TPRG1: variants seen among roughly 807,000 people sequenced by gnomAD.
TPRG1 encodes tumor protein p63 regulated 1, also known as tumor protein p63-regulated gene 1 protein.
In TPRG1, 29 loss-of-function variants were observed where a neutral mutation model predicts 29.3. The observed-to-expected ratio is 0.99, with a 90% confidence interval of 0.74 to 1.35. The LOEUF (loss-of-function observed/expected upper bound fraction) is 1.35. TPRG1 is among the 40% of genes most tolerant of loss of function. The pLI is 0.00. For missense variants in TPRG1, 327 were observed against 335.0 expected (o/e 0.98, Z 0.19); for synonymous variants, 130 against 116.8 (o/e 1.11, Z -0.73).
At chr3:189,108,074 A>ACT (rs1192215243) in intron 1 of TPRG1, among the ~76,000 whole-genome samples, 1 of 152,160 alleles carries the variant, frequency 6.6e-6, no homozygotes, top group African/African-American at 2.4e-5. Flanking sequence ...CTTCACTTTA[A>ACT]CTATATGCCC....
At chr3:189,006,198 G>A (rs1004838278) in intron 3 of TPRG1, among the ~76,000 whole-genome samples, 1 of 152,048 alleles carries the variant, frequency 6.6e-6, no homozygotes, top group Admixed American at 6.6e-5. Flanking sequence ...TGCAGTACAG[G>A]GGCTGGGTTC....
At chr3:189,232,014 TTG>T (rs1738750313) in intron 3 of TPRG1, among the ~76,000 whole-genome samples, 1 of 151,454 alleles carries the variant, frequency 6.6e-6, no homozygotes, top group African/African-American at 2.4e-5. Flanking sequence ...AACTTAATGT[TTG>T]TGATTTTTAT....
intron 4 of TPRG1, among the ~76,000 whole-genome samples, chr3:189,248,570 A>C (rs1274942546): frequency 1.3e-5 from 2 of 150,854 alleles, no homozygotes. Context: ...TTTTTGTTAG[A>C]TATATTAAGC....
At chr3:189,238,311 C>T (rs1414699931) in intron 3 of TPRG1, among the ~76,000 whole-genome samples, 2 of 152,114 alleles carry the variant, frequency 1.3e-5, no homozygotes, top group Non-Finnish European at 2.9e-5. Flanking sequence ...TAGGCTAGTT[C>T]GTAGTGAGTA....
chr3:189,064,716 T>C (rs1273070271), intron 4 of TPRG1, among the ~76,000 whole-genome samples: 1 of 152,148 alleles, frequency 6.6e-6, no homozygotes, highest in Non-Finnish European at 1.5e-5. Context: ...CTGCAGCCAT[T>C]ACATTGCTAA....
At chr3:189,044,512 G>A (rs888045958) in intron 4 of TPRG1, among the ~76,000 whole-genome samples, 5 of 150,674 alleles carry the variant, frequency 3.3e-5, no homozygotes, top group Admixed American at 2.6e-4. Context: ...CTGAGATCAC[G>A]CCATTGCACT....
chr3:189,064,791 C>G (rs1250740441), intron 4 of TPRG1, among the ~76,000 whole-genome samples: 2 of 152,058 alleles, frequency 1.3e-5, no homozygotes, highest in East Asian at 1.9e-4. Context: ...ACACAAATTC[C>G]TAAAAAATTA....
intron 2 of TPRG1, among the ~76,000 whole-genome samples, chr3:189,212,606 A>G (rs1735447468): frequency 6.6e-6 from 1 of 152,068 alleles, no homozygotes; most frequent in Non-Finnish European, 1.5e-5. Flanking sequence ...ACTAACCACA[A>G]TGAGATATGA....
chr3:189,156,412 A>T (rs1015179065), intron 5 of TPRG1, among the ~76,000 whole-genome samples: 2 of 151,670 alleles, frequency 1.3e-5, no homozygotes, highest in African/African-American at 4.8e-5. Context: ...GATTTGTTAC[A>T]GCAGCGAAAG....
chr3:189,185,294 G>A (rs1730767613), intron 1 of TPRG1, among the ~76,000 whole-genome samples: 1 of 152,008 alleles, frequency 6.6e-6, no homozygotes, highest in South Asian at 2.1e-4. Context: ...CACAATCACG[G>A]CTCACTGCAG....
At chr3:189,013,925 T>C (rs763267884) in intron 3 of TPRG1, among the ~76,000 whole-genome samples, 3 of 152,178 alleles carry the variant, frequency 2.0e-5, no homozygotes, top group African/African-American at 7.2e-5. Context: ...CTCTTGAAGA[T>C]AGCATTGCAG....
At chr3:189,012,843 C>T (rs927573995) in intron 3 of TPRG1, among the ~76,000 whole-genome samples, 1 of 151,824 alleles carries the variant, frequency 6.6e-6, no homozygotes, top group Non-Finnish European at 1.5e-5. Flanking sequence ...TGGTAATATC[C>T]CCCTTATCAT....
intron 2 of TPRG1, among the ~76,000 whole-genome samples, chr3:189,208,415 T>C (rs1342107604): frequency 6.6e-6 from 1 of 152,160 alleles, no homozygotes; most frequent in Non-Finnish European, 1.5e-5. Context: ...ACGTGGGAGA[T>C]CTTTTTGGAA....
intron 4 of TPRG1, among the ~76,000 whole-genome samples, chr3:189,253,922 T>G (rs535281853): frequency 6.6e-6 from 1 of 152,236 alleles, no homozygotes; most frequent in Non-Finnish European, 1.5e-5. Flanking sequence ...TCTGTTTACA[T>G]CCTTCACCCA....
intron 4 of TPRG1, among the ~76,000 whole-genome samples, chr3:189,308,286 G>A (rs1317586702): frequency 2.0e-5 from 3 of 152,166 alleles, no homozygotes; most frequent in Non-Finnish European, 4.4e-5. Flanking sequence ...CGGACATCCA[G>A]CTCACTGCAC....
At chr3:189,093,120 A>G (rs1413107898) in intron 4 of TPRG1, among the ~76,000 whole-genome samples, 1 of 152,104 alleles carries the variant, frequency 6.6e-6, no homozygotes, top group African/African-American at 2.4e-5. Flanking sequence ...TATAGAGGAC[A>G]GTGAATGGAG....
chr3:189,261,988 A>C (rs946428875), intron 4 of TPRG1, among the ~76,000 whole-genome samples: 1 of 152,144 alleles, frequency 6.6e-6, no homozygotes, highest in African/African-American at 2.4e-5. Context: ...AGGATATGAG[A>C]TTATTGAAGG....
chr3:189,167,224 C>T (rs1469175905), upstream of TPRG1, among the ~76,000 whole-genome samples: 2 of 152,160 alleles, frequency 1.3e-5, no homozygotes, highest in African/African-American at 4.8e-5. Flanking sequence ...AGCCCAGGTG[C>T]TTAGCAGGAA....
chr3:189,057,967 G>A (rs562983632), intron 4 of TPRG1, among the ~76,000 whole-genome samples: 167 of 151,218 alleles, frequency 1.1e-3, no homozygotes, highest in African/African-American at 3.9e-3. Context: ...TATGTTGTAT[G>A]TACATATATT....
Sources: allele counts gnomAD v4.1 joint callset (sites outside exome capture counted in the v4.1 genomes callset), GRCh38; gene constraint gnomAD v4.1.1; transcripts MANE v1.5; gene names NCBI Gene and HGNC (gene_info 2026-07-23, HGNC 2026-07-21).